The following SMARCA1 variants were observed in gnomAD, a reference collection of about 807,000 sequenced individuals.
The protein encoded by SMARCA1 is SWI/SNF-related matrix-associated actin-dependent regulator of chromatin subfamily A member 1.
In SMARCA1, 17 loss-of-function variants were observed where a neutral mutation model predicts 93.6. The ratio of observed to expected loss-of-function variants is 0.18; its 90% CI spans 0.12 to 0.27. SMARCA1 has a LOEUF of 0.27. Among genes scored for constraint, SMARCA1 ranks in the 10% least tolerant of loss-of-function variants. The pLI is 1.00. For synonymous variants in SMARCA1, 271 were observed against 271.4 expected, an observed-to-expected ratio of 1.00 and a Z score of 0.01; for missense variants, 630 against 819.0, an observed-to-expected ratio of 0.77 and a Z score of 2.82.
intron 23 of SMARCA1, among the ~76,000 whole-genome samples, chrX:129,449,208 A>T (rs2124144218): frequency 8.9e-6 from 1 of 111,974 alleles, no homozygotes; most frequent in African/African-American, 3.2e-5. Context: ...TAAACAAAAA[A>T]AAATAAGGGG....
rs1280550628 is a variant in SMARCA1 at position 129,446,896 on chromosome X, A to G, written c.*266T>C. 2.0e-5 allele frequency: 5 copies of G among 250,453 alleles called. No individual in the cohort carries two copies. The highest frequency in any genetic ancestry group is 3.5e-5 in the Non-Finnish European group (5 of 144,611). The allele number at this position is 250,453 out of a possible 1,213,427, so 20.6% of individuals were successfully genotyped here. A position where few individuals can be genotyped will look rare whatever the true frequency, so the allele number is the denominator to read the frequency against. ...AACATAGAAAAGCTAAAACCTCAGC[A>G]CAAGCTTCAAAAGAACAAGGACTGA... On this transcript the variant is annotated 3_prime_UTR_variant, in exon 25 of 25. Transcript: ENST00000371121.
intron 23 of SMARCA1, among the ~76,000 whole-genome samples, chrX:129,454,662 T>A (rs1405564198): frequency 2.7e-5 from 3 of 111,794 alleles, no homozygotes; most frequent in Non-Finnish European, 5.6e-5. Context: ...TTATTATTAT[T>A]ATACTTTAAG....
At chrX:129,480,393 G>T (rs190597354) in intron 19 of SMARCA1, among the ~76,000 whole-genome samples, 46 of 112,177 alleles carry the variant, frequency 4.1e-4, no homozygotes, top group African/African-American at 1.4e-3. Context: ...GCTTTTAACC[G>T]CATACCTATT....
At chrX:129,470,656 G>A (rs1933075885) in intron 20 of SMARCA1, among the ~76,000 whole-genome samples, 2 of 111,244 alleles carry the variant, frequency 1.8e-5, no homozygotes, top group African/African-American at 6.5e-5. Flanking sequence ...ATCACTTGAG[G>A]TCAGGAGTTT....
intron 7 of SMARCA1, 21 bp from the exon 8 acceptor site, chrX:129,506,232 G>C: frequency 2.7e-6 from 3 of 1,110,614 alleles, no homozygotes; most frequent in Non-Finnish European, 3.7e-6. Flanking sequence ...ATACTCATAT[G>C]AGGATTATTT....
chrX:129,484,094 G>A (rs949544269), intron 17 of SMARCA1, among the ~76,000 whole-genome samples: 1 of 111,339 alleles, frequency 9.0e-6, no homozygotes, highest in Non-Finnish European at 1.9e-5. Context: ...TTCTCTTTAC[G>A]CATCATTACT....
chrX:129,503,746 G>A (rs997695927), intron 9 of SMARCA1, among the ~76,000 whole-genome samples: 5 of 110,936 alleles, frequency 4.5e-5, no homozygotes, highest in Admixed American at 3.8e-4. Context: ...GGTGGATCAT[G>A]AGGTCAGGAG....
chrX:129,478,880 C>T (rs894562518), intron 19 of SMARCA1, among the ~76,000 whole-genome samples: 1 of 111,786 alleles, frequency 8.9e-6, no homozygotes, highest in Non-Finnish European at 1.9e-5. Flanking sequence ...AGGGTTACAT[C>T]GCATGCAGAA....
At chrX:129,484,287 C>A (rs189819549) in intron 17 of SMARCA1, among the ~76,000 whole-genome samples, 1 of 111,910 alleles carries the variant, frequency 8.9e-6, no homozygotes, top group East Asian at 2.8e-4. Context: ...ATTAATAAAA[C>A]TTATATCACA....
rs750255635 is a variant in SMARCA1, at chrX:129,523,184, C to G, written c.174+13G>C. On this transcript the variant is annotated intron_variant, in intron 1 of 24. Transcript: ENST00000371121. ...GGATTTGTCCACCACACACACACCCCCTTCCTATTTACCTCCTTCTTCTTC... is the reference window on the plus strand; with the variant it reads ...GGATTTGTCCACCACACACACACCCGCTTCCTATTTACCTCCTTCTTCTTC... 9.9e-6 allele frequency: 12 copies of G among 1,210,174 alleles called. No individual in the cohort carries two copies. The South Asian group carries it at 1.4e-4, about 14-fold the overall frequency.
chrX:129,452,575 A>G (rs991235436), intron 23 of SMARCA1, among the ~76,000 whole-genome samples: 2 of 112,467 alleles, frequency 1.8e-5, no homozygotes, highest in African/African-American at 6.5e-5. Flanking sequence ...TAGCATTCTA[A>G]TGCAGAGTGG....
At position 129,464,732 on chromosome X, in the gene SMARCA1, C is replaced by T. The variant is rs1057254919; in HGVS notation, c.3030+788G>A. Reference sequence around the variant, plus strand: ...CAAAGGGGAAAACATAACTCTAAAGCGGAGAGCTCTGAAGATCATCACATT... The same window carrying T: ...CAAAGGGGAAAACATAACTCTAAAGTGGAGAGCTCTGAAGATCATCACATT... On this transcript the variant is annotated intron_variant, in intron 23 of 24. Coordinates refer to ENST00000371121, the MANE Select transcript of SMARCA1 (RefSeq NM_001282874.2). Among the ~76,000 whole-genome samples the T allele has an allele frequency of 6.6e-4, 74 of 112,299 alleles. 2 individuals carry two copies. Among genetic ancestry groups the T allele is most frequent in the Admixed American group, 6.1e-3 (64 of 10,569 alleles).
intron 11 of SMARCA1, among the ~76,000 whole-genome samples, chrX:129,497,577 T>C (rs1392073788): frequency 9.0e-6 from 1 of 111,474 alleles, no homozygotes; most frequent in African/African-American, 3.3e-5. Context: ...CTGTGAAGAC[T>C]TTCCCAACTC....
chrX:129,458,760 C>T (rs1252863830), intron 23 of SMARCA1, among the ~76,000 whole-genome samples: 1 of 112,287 alleles, frequency 8.9e-6, no homozygotes, highest in Non-Finnish European at 1.9e-5. Context: ...AAGTCAAAAG[C>T]AGCTGAATGA....
intron 14 of SMARCA1, among the ~76,000 whole-genome samples, chrX:129,490,808 A>G (rs1934098716): frequency 9.0e-6 from 1 of 111,040 alleles, no homozygotes; most frequent in Admixed American, 9.6e-5. Context: ...GAAAAAAAAA[A>G]TGTAAGTTCA....
chrX:129,466,526 G>A (rs748673620), intron 21 of SMARCA1, among the ~76,000 whole-genome samples: 6 of 110,604 alleles, frequency 5.4e-5, no homozygotes, highest in African/African-American at 1.3e-4. Context: ...ATGGTGGTGC[G>A]TGCCTGTAAT....
At position 129,500,137 on chromosome X, in the gene SMARCA1, A is replaced by AAAG. The variant is rs1556310906; in HGVS notation, c.1168-299_1168-297dup. ...CAAAGAACCCTTAAAAAAAAAAAAA[A>AAAG]AAGAAGCTGCTGTAACACAAGATTT... On this transcript the variant is annotated intron_variant, in intron 9 of 24. Coordinates refer to ENST00000371121, the MANE Select transcript of SMARCA1 (RefSeq NM_001282874.2). 2.7e-4 allele frequency among the ~76,000 whole-genome samples: 30 copies of AAAG among 109,631 alleles called. No individual in the cohort carries two copies. In the East Asian group the frequency reaches 3.5e-3, roughly 13 times the overall value.
intron 19 of SMARCA1, among the ~76,000 whole-genome samples, chrX:129,473,487 T>C (rs1933234611): frequency 1.8e-5 from 2 of 112,060 alleles, no homozygotes; most frequent in Admixed American, 9.5e-5. Flanking sequence ...AATGTATCTA[T>C]ACAAAGACTT....
At chrX:129,512,686 A>G (rs1327499187) in intron 5 of SMARCA1, among the ~76,000 whole-genome samples, 1 of 112,240 alleles carries the variant, frequency 8.9e-6, no homozygotes, top group Non-Finnish European at 1.9e-5. Flanking sequence ...CTTTTTATAA[A>G]TGTCTGCTTA....
Sources: allele counts gnomAD v4.1 joint callset (sites outside exome capture counted in the v4.1 genomes callset), GRCh38; gene constraint gnomAD v4.1.1; transcripts MANE v1.5; gene names NCBI Gene and HGNC (gene_info 2026-07-23, HGNC 2026-07-21).